Variants in DESI2 observed in about 807,000 individuals in gnomAD.
DESI2 encodes desumoylating isopeptidase 2.
DESI2 carries 10 observed loss-of-function variants against 24.1 expected under a neutral mutation model. The ratio of observed to expected loss-of-function variants is 0.41; its 90% confidence interval spans 0.26 to 0.70. The LOEUF is 0.70. Ranked by LOEUF, DESI2 falls within the 30% of genes least tolerant of loss-of-function variation. DESI2 has a pLI of 0.29. For missense variants in DESI2, 122 were observed against 234.9 expected, an observed-to-expected ratio of 0.52 and a Z score of 3.14; for synonymous variants, 71 against 87.7, an observed-to-expected ratio of 0.81 and a Z score of 1.06.
At chr1:244,701,115 A>G (rs1413439762) in intron 4 of DESI2, among the ~76,000 whole-genome samples, 1 of 150,060 alleles carries the variant, frequency 6.7e-6, no homozygotes, top group Admixed American at 6.7e-5. Flanking sequence ...GAAATTTTTC[A>G]GCCTATCTAG....
intron 4 of DESI2, among the ~76,000 whole-genome samples, chr1:244,703,031 T>C (rs1204580121): frequency 7.1e-6 from 1 of 140,942 alleles, no homozygotes; most frequent in South Asian, 2.3e-4. Flanking sequence ...AGACGAAGTC[T>C]TGCTCTGTCA....
rs547288061 is a variant in DESI2, at chr1:244,706,893, G to T, written c.*1104G>T. ...CCAATCGTTAAAAAATCATATTTGT[G>T]TGTCTTAAGATTCATATTTATATGT... On this transcript the variant is annotated 3_prime_UTR_variant, in exon 5 of 5. Transcript: ENST00000302550. 3.9e-5 allele frequency: 6 copies of T among 152,718 alleles called. No homozygotes were observed. The highest frequency in any genetic ancestry group is 1.4e-4 in the African/African-American group (6 of 41,562). The allele number at this position is 152,718 out of a possible 1,614,324, so 9.5% of individuals were successfully genotyped here. A position where few individuals can be genotyped will look rare whatever the true frequency, so the allele number is the denominator to read the frequency against.
At chr1:244,673,799 C>T (rs552298754) in intron 1 of DESI2, among the ~76,000 whole-genome samples, 1 of 152,046 alleles carries the variant, frequency 6.6e-6, no homozygotes, top group Admixed American at 6.5e-5. Flanking sequence ...ATTTTGCTAA[C>T]AGAGGAAAAA....
chr1:244,685,787 TG>T (rs950563556), intron 1 of DESI2, among the ~76,000 whole-genome samples: 2 of 152,196 alleles, frequency 1.3e-5, no homozygotes, highest in African/African-American at 4.8e-5. Context: ...GTTACCTAAG[TG>T]TTTTGTTTAG....
At chr1:244,693,627 C>A (rs963968209) in intron 4 of DESI2, among the ~76,000 whole-genome samples, 7 of 152,158 alleles carry the variant, frequency 4.6e-5, no homozygotes, top group African/African-American at 1.7e-4. Context: ...GGCAGGGTTT[C>A]TCCATGTTGG....
At chr1:244,705,106 G>GA (rs1481837076) in intron 4 of DESI2, among the ~76,000 whole-genome samples, 2 of 152,132 alleles carry the variant, frequency 1.3e-5, no homozygotes, top group African/African-American at 4.8e-5. Context: ...GAGAAAAGGG[G>GA]AAAGTCAAAA....
chr1:244,700,462 C>T (rs1462105107), intron 4 of DESI2, among the ~76,000 whole-genome samples: 2 of 152,126 alleles, frequency 1.3e-5, no homozygotes, highest in Non-Finnish European at 2.9e-5. Flanking sequence ...TAGTAATCTT[C>T]TACAGCGTTT....
intron 4 of DESI2, among the ~76,000 whole-genome samples, chr1:244,700,809 C>G (rs530763810): frequency 5.3e-5 from 8 of 152,258 alleles, no homozygotes; most frequent in African/African-American, 1.9e-4. Context: ...TCCTCTATAC[C>G]TAAAACAGCT....
At chr1:244,680,591 T>C (rs1676573795) in intron 1 of DESI2, among the ~76,000 whole-genome samples, 1 of 152,230 alleles carries the variant, frequency 6.6e-6, no homozygotes, top group Non-Finnish European at 1.5e-5. Flanking sequence ...GCACATAATA[T>C]CAATTGGTCC....
At chr1:244,678,945 G>A (rs1011424559) in intron 1 of DESI2, among the ~76,000 whole-genome samples, 4 of 152,238 alleles carry the variant, frequency 2.6e-5, no homozygotes, top group Admixed American at 2.6e-4. Context: ...AGTCCTAGAA[G>A]TTGGCTGCCA....
intron 4 of DESI2, among the ~76,000 whole-genome samples, chr1:244,699,829 T>C (rs1677372798): frequency 6.6e-6 from 1 of 152,196 alleles, no homozygotes; most frequent in African/African-American, 2.4e-5. Flanking sequence ...CTTTCCGCTC[T>C]TCCCTAAAAA....
At chr1:244,659,977 T>C (rs1356795646) in intron 1 of DESI2, among the ~76,000 whole-genome samples, 1 of 152,218 alleles carries the variant, frequency 6.6e-6, no homozygotes, top group East Asian at 1.9e-4. Context: ...CCAAGCGTAT[T>C]GGTGACTAAA....
chr1:244,668,935 T>C (rs1676142599), intron 1 of DESI2, among the ~76,000 whole-genome samples: 2 of 152,208 alleles, frequency 1.3e-5, no homozygotes, highest in Non-Finnish European at 2.9e-5. Flanking sequence ...GAGGATAATT[T>C]TTCTGCAATT....
rs896756437 is a variant in DESI2 at position 244,708,568 on chromosome 1, A to G, written c.*2779A>G. The G allele has an allele frequency of 1.3e-5, 2 of 152,674 alleles. No individual in the cohort carries two copies. Among genetic ancestry groups the G allele is most frequent in the Non-Finnish European group, 2.9e-5 (2 of 68,066 alleles). 9.5% of individuals were successfully genotyped at this position (152,674 alleles called of 1,614,324 possible). A position where few individuals can be genotyped will look rare whatever the true frequency, so the allele number is the denominator to read the frequency against. ...CAGACAGCTGCAGGACTCGATATCC[A>G]TGGCTTCTTTCCATCACAAAACGGG... On this transcript the variant is annotated 3_prime_UTR_variant, in exon 5 of 5. Coordinates refer to ENST00000302550, the MANE Select transcript of DESI2 (RefSeq NM_016076.5).
At chr1:244,656,725 G>T (rs776633536) in intron 1 of DESI2, among the ~76,000 whole-genome samples, 42 of 152,238 alleles carry the variant, frequency 2.8e-4, no homozygotes, top group Admixed American at 3.3e-4. Context: ...AAATATGCAG[G>T]TATTTGATAA....
rs1573166974 is a variant in DESI2, at chr1:244,653,201, G to A, written c.-113G>A. The A allele has an allele frequency of 3.5e-6, 4 of 1,148,820 alleles. No homozygotes were observed. In the East Asian group the frequency reaches 8.7e-5, roughly 25 times the overall value. 71.2% of individuals were successfully genotyped at this position (1,148,820 alleles called of 1,614,324 possible). A position where few individuals can be genotyped will look rare whatever the true frequency, so the allele number is the denominator to read the frequency against. On this transcript the variant is annotated 5_prime_UTR_variant, in exon 1 of 5. Transcript: ENST00000302550. ...CGCCCCGGCTGCCGCGGGCCGGGCT[G>A]TACGCTTAGTGCCCGGCTCAGGCCC... is the stretch of plus-strand genomic sequence containing the variant.
At chr1:244,670,515 A>G (rs1373800749) in intron 1 of DESI2, among the ~76,000 whole-genome samples, 1 of 152,198 alleles carries the variant, frequency 6.6e-6, no homozygotes, top group Non-Finnish European at 1.5e-5. Context: ...TAACACTCAT[A>G]ATAATCTTTA....
chr1:244,667,027 T>C (rs1480386822), intron 1 of DESI2, among the ~76,000 whole-genome samples: 1 of 152,036 alleles, frequency 6.6e-6, no homozygotes. Context: ...CCACAATACA[T>C]GGGAATTCTG....
chr1:244,654,207 A>G (rs369711319), intron 1 of DESI2, among the ~76,000 whole-genome samples: 11 of 152,288 alleles, frequency 7.2e-5, no homozygotes, highest in Admixed American at 5.9e-4. Context: ...AGTTAGATGC[A>G]TGTTTGGGTG....
Sources: allele counts gnomAD v4.1 joint callset (sites outside exome capture counted in the v4.1 genomes callset), GRCh38; gene constraint gnomAD v4.1.1; transcripts MANE v1.5; gene names NCBI Gene and HGNC (gene_info 2026-07-23, HGNC 2026-07-21).